Variants in C2orf78 observed in about 807,000 individuals in gnomAD.
C2orf78 encodes uncharacterized protein C2orf78.
C2orf78 carries 12 observed loss-of-function variants against 21.4 expected under a neutral mutation model. That is an observed-to-expected ratio of 0.56 (90% CI 0.36 to 0.91). The LOEUF is 0.91. C2orf78 is among the 40% of genes least tolerant of loss of function. The pLI, the probability that C2orf78 is intolerant of heterozygous loss-of-function variation, is 0.01. For missense variants in C2orf78, 1,042 were observed against 1,092.4 expected, an observed-to-expected ratio of 0.95 and a Z score of 0.65; for synonymous variants, 396 against 413.9, an observed-to-expected ratio of 0.96 and a Z score of 0.52.
exon 3 of C2orf78, chr2:73,817,045 G>A: frequency 2.0e-6 from 3 of 1,464,824 alleles, no homozygotes; most frequent in South Asian, 1.5e-5. Context: ...CACATATATA[G>A]ATAGATACTA....
In C2orf78 at chr2:73,807,900, C is replaced by G. The variant is rs1446670932; in HGVS notation, c.98-5577C>G. ...CACATCATTTCCTACAAGGGGCAATCAACAAACTTTGCTGTTCAAGTTACA... is the reference window on the plus strand; with the variant it reads ...CACATCATTTCCTACAAGGGGCAATGAACAAACTTTGCTGTTCAAGTTACA... On this transcript the variant is annotated intron_variant, in intron 1 of 2. Coordinates refer to ENST00000409561, the Ensembl canonical transcript of C2orf78. Among the ~76,000 whole-genome samples the G allele has an allele frequency of 1.1e-4, 17 of 150,226 alleles. 1 individual carries two copies. Among genetic ancestry groups the G allele is most frequent in the Non-Finnish European group, 1.6e-4 (11 of 67,868 alleles).
At chr2:73,813,500 C>T (rs772675364) in exon 2 of C2orf78, 2 of 1,609,286 alleles carry the variant, frequency 1.2e-6, no homozygotes, top group Non-Finnish European at 1.7e-6. Context: ...TACGTCTTTA[C>T]CTGGAACTGC....
exon 2 of C2orf78, chr2:73,814,186 C>T: frequency 1.3e-6 from 2 of 1,596,480 alleles, no homozygotes; most frequent in African/African-American, 1.3e-5. Flanking sequence ...GGATGTATTA[C>T]TCTGTGTCTT....
At chr2:73,811,526 C>T (rs1446979521) in intron 1 of C2orf78, among the ~76,000 whole-genome samples, 1 of 152,072 alleles carries the variant, frequency 6.6e-6, no homozygotes, top group East Asian at 1.9e-4. Flanking sequence ...GCTTTTTTAT[C>T]TTAATACTTT....
At chr2:73,814,461 T>G (rs1195108631) in intron 2 of C2orf78, among the ~76,000 whole-genome samples, 1 of 152,340 alleles carries the variant, frequency 6.6e-6, no homozygotes, top group Non-Finnish European at 1.5e-5. Flanking sequence ...AAGAGCATAC[T>G]GAGGGATACA....
exon 3 of C2orf78, chr2:73,816,707 T>A (rs1558544005): frequency 6.2e-7 from 1 of 1,614,008 alleles, no homozygotes; most frequent in East Asian, 2.2e-5. Context: ...GGGAGCCTGT[T>A]TCCACTGCTG....
intron 1 of C2orf78, among the ~76,000 whole-genome samples, chr2:73,811,453 G>A (rs1673087584): frequency 6.6e-6 from 1 of 152,120 alleles, no homozygotes; most frequent in South Asian, 2.1e-4. Context: ...AAAAAAGAAT[G>A]TATCGTTATT....
chr2:73,813,989 C>T, exon 2 of C2orf78: 1 of 1,614,056 alleles, frequency 6.2e-7, no homozygotes, highest in East Asian at 2.2e-5. Flanking sequence ...CCTGTCACTT[C>T]CCTGCCAGAT....
At chr2:73,811,342 G>A (rs1292148995) in intron 1 of C2orf78, among the ~76,000 whole-genome samples, 1 of 152,018 alleles carries the variant, frequency 6.6e-6, no homozygotes, top group Non-Finnish European at 1.5e-5. Flanking sequence ...CTAATAAGTG[G>A]TTACCTAGAG....
chr2:73,815,827 G>C, exon 3 of C2orf78: 2 of 1,613,800 alleles, frequency 1.2e-6, no homozygotes, highest in Non-Finnish European at 1.7e-6. Flanking sequence ...GTTGTTGGCA[G>C]TGCTACAGTC....
chr2:73,817,022 A>G lies in C2orf78; in HGVS notation c.*30A>G, dbSNP rs79331016. ...TGAGATTGTTGGTTTTACTTTGGAT[A>G]CCGCTGGTTTTCCACATATATAGAT... On this transcript the variant is annotated 3_prime_UTR_variant, in exon 3 of 3. Coordinates refer to ENST00000409561, the Ensembl canonical transcript of C2orf78. 319 of 1,574,782 alleles carry G rather than the reference A, an allele frequency of 2.0e-4. 3 individuals are homozygous for G. In the East Asian group the frequency reaches 7.1e-3, roughly 35 times the overall value.
chr2:73,807,880 C>A (rs1282447770), intron 1 of C2orf78, among the ~76,000 whole-genome samples: 1 of 150,014 alleles, frequency 6.7e-6, no homozygotes, highest in Admixed American at 6.6e-5. Flanking sequence ...TGGACCACAT[C>A]ATTTCCTACA....
At chr2:73,815,264 A>T in exon 3 of C2orf78, 10 of 1,613,996 alleles carry the variant, frequency 6.2e-6, no homozygotes, top group Non-Finnish European at 7.6e-6. Context: ...ATCTCTTGAC[A>T]CTGTCTCCAG....
chr2:73,812,264 A>G (rs1036164503), intron 1 of C2orf78, among the ~76,000 whole-genome samples: 1 of 152,306 alleles, frequency 6.6e-6, no homozygotes, highest in East Asian at 1.9e-4. Context: ...GTACTTTACT[A>G]TGTTTTGATG....
intron 1 of C2orf78, among the ~76,000 whole-genome samples, chr2:73,810,061 G>A (rs775145308): frequency 6.6e-6 from 1 of 151,794 alleles, no homozygotes; most frequent in East Asian, 1.9e-4. Flanking sequence ...TCAAAATAGA[G>A]CAAAATGAAG....
chr2:73,810,197 T>G (rs1673050856), intron 1 of C2orf78, among the ~76,000 whole-genome samples: 1 of 152,040 alleles, frequency 6.6e-6, no homozygotes, highest in Non-Finnish European at 1.5e-5. Context: ...TTTTTGAACA[T>G]AGATGACACT....
At chr2:73,785,795 C>T (rs998699549) in intron 1 of C2orf78, among the ~76,000 whole-genome samples, 6 of 151,692 alleles carry the variant, frequency 4.0e-5, no homozygotes, top group African/African-American at 1.5e-4. Context: ...ACCTGTAATC[C>T]CAGCACTTTG....
rs1673035027 is a variant in C2orf78, at chr2:73,809,735, GT to G, written c.98-3740del. ...GGAGGTTGAGGCTGCAGTGAGTCAGGTTCACACCACTGGACTTCAGCCTGAG... is the reference window on the plus strand; with the variant it reads ...GGAGGTTGAGGCTGCAGTGAGTCAGGTCACACCACTGGACTTCAGCCTGAG... On this transcript the variant is annotated intron_variant, in intron 1 of 2. Coordinates refer to ENST00000409561, the Ensembl canonical transcript of C2orf78. 5.9e-5 allele frequency among the ~76,000 whole-genome samples: 9 copies of G among 152,160 alleles called. 1 individual carries two copies. The South Asian group carries it at 1.9e-3, about 31-fold the overall frequency.
At chr2:73,815,775 A>T in exon 3 of C2orf78, 1 of 1,613,768 alleles carries the variant, frequency 6.2e-7, no homozygotes, top group Non-Finnish European at 8.5e-7. Context: ...CAAGGCCAAA[A>T]TCCAGCCAAA....
Sources: allele counts gnomAD v4.1 joint callset (sites outside exome capture counted in the v4.1 genomes callset), GRCh38; gene constraint gnomAD v4.1.1; transcripts MANE v1.5; gene names NCBI Gene and HGNC (gene_info 2026-07-23, HGNC 2026-07-21).